TDRD5: variants seen among roughly 807,000 people sequenced by gnomAD.
The protein encoded by TDRD5 is tudor domain containing 5.
In TDRD5, 41 loss-of-function variants were observed where a neutral mutation model predicts 120.6. That is an observed-to-expected ratio of 0.34 (90% CI 0.26 to 0.44). The LOEUF is 0.44. TDRD5 is among the 20% of genes least tolerant of loss of function. The pLI is 1.00. For synonymous variants in TDRD5, 430 were observed against 433.7 expected, an observed-to-expected ratio of 0.99 and a Z score of 0.11; for missense variants, 1,006 against 1,221.2, an observed-to-expected ratio of 0.82 and a Z score of 2.63.
chr1:179,635,359 A>G (rs923383544), intron 8 of TDRD5, among the ~76,000 whole-genome samples: 2 of 152,226 alleles, frequency 1.3e-5, no homozygotes, highest in African/African-American at 4.8e-5. Context: ...TTGAAGTATC[A>G]TATTTTCAAT....
chr1:179,675,163 A>G lies in TDRD5; in HGVS notation c.2860+5759A>G, dbSNP rs564684349. ...TTTGTGCTCTTATAGACTTTTTGAT[A>G]TAGGCATTTAATGCTATGAACTTTC... On this transcript the variant is annotated intron_variant, in intron 17 of 17. Coordinates refer to ENST00000444136, the MANE Select transcript of TDRD5 (RefSeq NM_001199085.3). 2.6e-5 allele frequency among the ~76,000 whole-genome samples: 4 copies of G among 151,032 alleles called. No individual in the cohort carries two copies. In the East Asian group the frequency reaches 5.8e-4, roughly 22 times the overall value.
At chr1:179,635,992 T>C (rs1572379204) in intron 9 of TDRD5, 105 bp downstream of exon 9, 1 of 362,446 alleles carries the variant, frequency 2.8e-6, no homozygotes. Flanking sequence ...CCAAGAGAGC[T>C]TTTTTTTATC....
intron 9 of TDRD5, among the ~76,000 whole-genome samples, chr1:179,639,248 G>A (rs956079797): frequency 1.3e-5 from 2 of 152,152 alleles, no homozygotes; most frequent in Non-Finnish European, 2.9e-5. Context: ...CAAGGAAACT[G>A]AAGCGCAGAA....
At chr1:179,659,570 TGTGTGTGTGTGTGTGTGTGTGCGC>T (rs1172897374) in intron 14 of TDRD5, among the ~76,000 whole-genome samples, 1 of 140,722 alleles carries the variant, frequency 7.1e-6, no homozygotes, top group African/African-American at 2.5e-5. Context: ...TGTGTGTGTG[TGTGTGTGTGTGTGTGTGTGTGCGC>T]GCGCTTGCCT....
chr1:179,592,254 AGGCGGCATTGCGTTGGC>A, intron 1 of TDRD5, 129 bp downstream of exon 1: 1 of 205,202 alleles, frequency 4.9e-6, no homozygotes, highest in Non-Finnish European at 9.9e-6. Flanking sequence ...TGCAGGGCGG[AGGCGGCATTGCGTTGGC>A]CTTAGTTCCT....
chr1:179,630,014 C>G (rs1019977136), intron 6 of TDRD5, among the ~76,000 whole-genome samples: 26 of 146,504 alleles, frequency 1.8e-4, no homozygotes, highest in African/African-American at 5.8e-4. Context: ...GAGTCTTGCT[C>G]TGTCACCCAG....
intron 5 of TDRD5, among the ~76,000 whole-genome samples, chr1:179,620,100 A>G (rs1676766174): frequency 6.6e-6 from 1 of 152,214 alleles, no homozygotes; most frequent in Non-Finnish European, 1.5e-5. Context: ...GTTTTATAGA[A>G]TAGTGTGTTC....
At position 179,613,820 on chromosome 1, in the gene TDRD5, T is replaced by A. The variant is rs148876937; in HGVS notation, c.832-4779T>A. Among the ~76,000 whole-genome samples the A allele has an allele frequency of 5.5e-3, 829 of 152,088 alleles. 3 individuals are homozygous for A. The highest frequency in any genetic ancestry group is 0.019 in the African/African-American group (786 of 41,496). On this transcript the variant is annotated intron_variant, in intron 4 of 17. Coordinates refer to ENST00000444136, the MANE Select transcript of TDRD5 (RefSeq NM_001199085.3). ...ACTTAGGGATTTGGGGAGTGGGGAG[T>A]AGAGAGGGATACATCTATACTATAG... is the stretch of plus-strand genomic sequence containing the variant.
intron 17 of TDRD5, among the ~76,000 whole-genome samples, chr1:179,688,878 C>T (rs1289439241): frequency 6.6e-6 from 1 of 152,174 alleles, no homozygotes; most frequent in Admixed American, 6.5e-5. Context: ...GTTCTCATAC[C>T]ATGGTTTTCA....
intron 4 of TDRD5, among the ~76,000 whole-genome samples, chr1:179,597,324 C>CTTTTTTTCTTTTTTTTTTTTTTTTT (rs1558367813): frequency 7.5e-6 from 1 of 132,858 alleles, no homozygotes; most frequent in Non-Finnish European, 1.6e-5. Context: ...TCTTTCTTTT[C>CTTTTTTTCTTTTTTTTTTTTTTTTT]TTTTTTTCTT....
chr1:179,687,192 T>G (rs1451669647), intron 17 of TDRD5, among the ~76,000 whole-genome samples: 2 of 152,208 alleles, frequency 1.3e-5, no homozygotes, highest in African/African-American at 4.8e-5. Context: ...TGCTATAAAT[T>G]TCCCTCTACA....
intron 17 of TDRD5, among the ~76,000 whole-genome samples, chr1:179,671,071 A>G (rs1301670450): frequency 6.6e-6 from 1 of 152,192 alleles, no homozygotes; most frequent in Non-Finnish European, 1.5e-5. Context: ...TTGCATCTGA[A>G]TGTCCATTTG....
chr1:179,680,485 T>C (rs577877766), intron 17 of TDRD5, among the ~76,000 whole-genome samples: 2 of 152,356 alleles, frequency 1.3e-5, no homozygotes, highest in East Asian at 3.8e-4. Context: ...AGGGTTGTTA[T>C]GCTCTCTGGA....
At chr1:179,674,212 G>C (rs1314698657) in intron 17 of TDRD5, among the ~76,000 whole-genome samples, 1 of 152,114 alleles carries the variant, frequency 6.6e-6, no homozygotes, top group African/African-American at 2.4e-5. Context: ...TTACCTTAAG[G>C]TATGTCCCTA....
At chr1:179,649,890 A>C (rs1216677205) in intron 11 of TDRD5, among the ~76,000 whole-genome samples, 1 of 152,200 alleles carries the variant, frequency 6.6e-6, no homozygotes, top group East Asian at 1.9e-4. Context: ...ATCTGGAAAT[A>C]TTACCAGTCT....
At chr1:179,675,785 T>C (rs1680114610) in intron 17 of TDRD5, among the ~76,000 whole-genome samples, 2 of 152,206 alleles carry the variant, frequency 1.3e-5, no homozygotes, top group Non-Finnish European at 1.5e-5. Context: ...TGGCCTATCA[T>C]GTGGTCTAAG....
intron 5 of TDRD5, among the ~76,000 whole-genome samples, chr1:179,619,882 A>G (rs1676757403): frequency 6.6e-6 from 1 of 152,138 alleles, no homozygotes. Flanking sequence ...AGCCTCCCAA[A>G]GGCTGGGATT....
At position 179,678,507 on chromosome 1, in the gene TDRD5, G is replaced by A. The variant is rs191423438; in HGVS notation, c.2860+9103G>A. Among the ~76,000 whole-genome samples the A allele has an allele frequency of 5.6e-4, 86 of 152,270 alleles. No homozygotes were observed. The East Asian group carries it at 9.8e-3, about 17-fold the overall frequency. On this transcript the variant is annotated intron_variant, in intron 17 of 17. Coordinates refer to ENST00000444136, the MANE Select transcript of TDRD5 (RefSeq NM_001199085.3). ...TGAGTCTCCACATGCCACTTTGTCCGTCCAGGCAGGAGCTATAGAGTAGTC... is the reference window on the plus strand; with the variant it reads ...TGAGTCTCCACATGCCACTTTGTCCATCCAGGCAGGAGCTATAGAGTAGTC...
chr1:179,639,762 T>G (rs1677943240), intron 9 of TDRD5, 77 bp from the exon 10 acceptor site: 2 of 1,487,980 alleles, frequency 1.3e-6, no homozygotes, highest in Non-Finnish European at 1.8e-6. Flanking sequence ...CAAGACTTTC[T>G]GGCTTGATAC....
Sources: gnomAD v4.1 joint callset for allele counts (sites outside exome capture counted in the v4.1 genomes callset) on GRCh38, gnomAD v4.1.1 for gene constraint, MANE v1.5 for transcripts, NCBI Gene and HGNC (gene_info 2026-07-23, HGNC 2026-07-21) for gene names.